OTOGL: variants seen among roughly 807,000 people sequenced by gnomAD.
OTOGL encodes otogelin-like protein.
Under a neutral mutation model 318.5 loss-of-function variants are expected in OTOGL, and 285 were observed. The observed-to-expected ratio is 0.89, with a 90% CI of 0.81 to 0.99. The LOEUF (loss-of-function observed/expected upper bound fraction) is 0.99, where lower values mean the gene tolerates loss of function less well. Among genes scored for constraint, OTOGL ranks in the 50% least tolerant of loss-of-function variants. OTOGL has a pLI of 0.00. For synonymous variants in OTOGL, 987 were observed against 936.5 expected, an observed-to-expected ratio of 1.05 and a Z score of -0.99; for missense variants, 2,899 against 2,845.6, an observed-to-expected ratio of 1.02 and a Z score of -0.43.
At chr12:80,366,923 A>T (rs971588802) in intron 53 of OTOGL, among the ~76,000 whole-genome samples, 5 of 151,934 alleles carry the variant, frequency 3.3e-5, no homozygotes, top group African/African-American at 9.7e-5. Context: ...CATTTAATTT[A>T]AAAATATAGG....
chr12:80,130,261 A>G (rs1871156494), intron 1 of OTOGL, among the ~76,000 whole-genome samples: 1 of 152,194 alleles, frequency 6.6e-6, no homozygotes, highest in Non-Finnish European at 1.5e-5. Flanking sequence ...TTCTGATAAT[A>G]TATTTCCCCT....
chr12:80,320,573 T>G lies in OTOGL; in HGVS notation c.3954T>G (p.Pro1318=). The G allele has an allele frequency of 5.6e-6, 9 of 1,613,460 alleles. No individual in the cohort carries two copies. Among genetic ancestry groups the G allele is most frequent in the Non-Finnish European group, 7.6e-6 (9 of 1,179,636 alleles). The change falls in exon 34 of 59, where the codon CCT becomes CCG. Residue 1318 remains proline, a synonymous_variant. Transcript: ENST00000547103. ...TFFHHQGLWI[P]GYSAFELYSK... ...TCCACCATCAGGGCCTCTGGATTCCTGGTTACAGTGCATTTGAGTTATACA... is the reference window on the plus strand; with the variant it reads ...TCCACCATCAGGGCCTCTGGATTCCGGGTTACAGTGCATTTGAGTTATACA...
intron 11 of OTOGL, among the ~76,000 whole-genome samples, chr12:80,243,330 A>T (rs1027667463): frequency 9.2e-5 from 14 of 152,192 alleles, no homozygotes; most frequent in Admixed American, 7.2e-4. Flanking sequence ...TATCCAATGA[A>T]AATATTTTAT....
intron 1 of OTOGL, among the ~76,000 whole-genome samples, chr12:80,170,678 C>G (rs1186772237): frequency 3.9e-5 from 6 of 152,088 alleles, no homozygotes; most frequent in Admixed American, 3.9e-4. Context: ...AGGTGATCTT[C>G]CCGCCTCGGC....
At position 80,336,061 on chromosome 12, in the gene OTOGL, G is replaced by A. The variant is rs1308844225; in HGVS notation, c.4521G>A (p.Val1507=). 1.3e-6 allele frequency: 2 copies of A among 1,598,718 alleles called. No homozygotes were observed. Among genetic ancestry groups the A allele is most frequent in the African/African-American group, 1.3e-5 (1 of 74,948 alleles). Reference sequence around the variant, plus strand: ...GGTCCCTTAATTGCCCAAAGGACGTGGAAATGCCTGACTGTGGTTTCCGAG... The same window carrying A: ...GGTCCCTTAATTGCCCAAAGGACGTAGAAATGCCTGACTGTGGTTTCCGAG... ...YNWSLNCPKD[V]EMPDCGFRGR... Residue 1507 remains valine (V), a synonymous_variant, in exon 39 of 59, where the codon GTG becomes GTA. Transcript: ENST00000547103.
chr12:80,305,754 T>G (rs1470061276), intron 29 of OTOGL, 59 bp downstream of exon 29: 4 of 1,271,894 alleles, frequency 3.1e-6, no homozygotes, highest in Non-Finnish European at 4.1e-6. Flanking sequence ...ATTTTTTCAC[T>G]AGAACATTTT....
intron 1 of OTOGL, among the ~76,000 whole-genome samples, chr12:80,128,775 C>A (rs10862064): frequency 0.54 from 81,334 of 151,980 alleles, 21,937 homozygotes; most frequent in Middle Eastern, 0.58. Flanking sequence ...GCCGCCTTGC[C>A]GTTTGATCTC....
chr12:80,202,270 ATTTT>A (rs55860009), intron 1 of OTOGL, among the ~76,000 whole-genome samples: 5 of 121,922 alleles, frequency 4.1e-5, no homozygotes, highest in Admixed American at 8.4e-5. Context: ...CTTTTCTTTA[ATTTT>A]TTTTTTTTTT....
intron 1 of OTOGL, among the ~76,000 whole-genome samples, chr12:80,142,589 C>T (rs930343500): frequency 3.3e-5 from 5 of 152,146 alleles, no homozygotes; most frequent in African/African-American, 4.8e-5. Flanking sequence ...ATTCCTTCAC[C>T]ACTATCCCAA....
chr12:80,272,670 A>T (rs920928776), intron 24 of OTOGL, among the ~76,000 whole-genome samples: 26 of 152,070 alleles, frequency 1.7e-4, no homozygotes, highest in Admixed American at 4.6e-4. Context: ...GGATCAGCTC[A>T]TATAAACCAG....
intron 9 of OTOGL, among the ~76,000 whole-genome samples, chr12:80,235,467 C>CAAAAAAAA (rs10600987): frequency 6.9e-5 from 6 of 86,960 alleles, no homozygotes; most frequent in African/African-American, 2.7e-4. Flanking sequence ...GACTCTGTCT[C>CAAAAAAAA]AAAAAAAAAA....
intron 29 of OTOGL, among the ~76,000 whole-genome samples, chr12:80,309,545 G>A (rs1013441905): frequency 1.3e-5 from 2 of 152,158 alleles, no homozygotes; most frequent in Admixed American, 6.5e-5. Context: ...TAGCTGAAGT[G>A]CAAAGTATAG....
intron 23 of OTOGL, among the ~76,000 whole-genome samples, chr12:80,270,651 C>T (rs1460655275): frequency 6.6e-6 from 1 of 152,038 alleles, no homozygotes; most frequent in African/African-American, 2.4e-5. Flanking sequence ...CTTCTGGTTC[C>T]TGGGCTGCAT....
At chr12:80,171,243 T>G (rs536646185) in intron 1 of OTOGL, among the ~76,000 whole-genome samples, 3 of 151,860 alleles carry the variant, frequency 2.0e-5, no homozygotes, top group Non-Finnish European at 2.9e-5. Context: ...CCATCTAAAT[T>G]TTTTTTTGTA....
At position 80,261,990 on chromosome 12, in the gene OTOGL, A is replaced by T. The variant is rs1012162318; in HGVS notation, c.1911A>T (p.Glu637Asp). The stretch of plus-strand genomic sequence containing the variant: ...CTAGTTCTCCATCAGGCATGATAGA[A>T]GGTACACCACAACTTCACGCAAATG... Reference protein sequence around the residue: ...DDFLSPSGMIEGTPQLHANAW... With the variant: ...DDFLSPSGMIDGTPQLHANAW... The change falls in exon 19 of 59, where the codon GAA (glutamate) becomes GAT (aspartate). Residue 637 changes from glutamate (E) to aspartate (D), a missense_variant. Glu to Asp is a conservative substitution (Grantham distance 45). Coordinates refer to ENST00000547103, the MANE Select transcript of OTOGL (RefSeq NM_001378609.3). 62 of 1,612,324 alleles carry T rather than the reference A, an allele frequency of 3.8e-5. No homozygotes were observed. The Admixed American group carries it at 1.0e-3, about 27-fold the overall frequency.
At chr12:80,325,150 T>C (rs1002878290) in intron 35 of OTOGL, among the ~76,000 whole-genome samples, 3 of 152,178 alleles carry the variant, frequency 2.0e-5, no homozygotes, top group Middle Eastern at 3.2e-3. Flanking sequence ...TTCTATTCTA[T>C]GGCAAATGTT....
chr12:80,370,335 C>T (rs1232186529), intron 55 of OTOGL, among the ~76,000 whole-genome samples: 4 of 151,946 alleles, frequency 2.6e-5, no homozygotes, highest in Non-Finnish European at 4.4e-5. Context: ...CTAGCATATA[C>T]AAACACACTA....
chr12:80,195,581 A>G (rs573082933), intron 1 of OTOGL, among the ~76,000 whole-genome samples: 20 of 152,240 alleles, frequency 1.3e-4, no homozygotes, highest in Non-Finnish European at 2.5e-4. Context: ...TTAATGAGCC[A>G]TCTTTTTGAA....
At chr12:80,335,394 C>T (rs919075089) in intron 38 of OTOGL, among the ~76,000 whole-genome samples, 1 of 151,946 alleles carries the variant, frequency 6.6e-6, no homozygotes, top group Non-Finnish European at 1.5e-5. Context: ...ATAATTATTA[C>T]CATAATTTAA....
Sources: gnomAD v4.1 joint callset for allele counts (sites outside exome capture counted in the v4.1 genomes callset) on GRCh38, gnomAD v4.1.1 for gene constraint, MANE v1.5 for transcripts, NCBI Gene and HGNC (gene_info 2026-07-23, HGNC 2026-07-21) for gene names.